The following GDAP1 variants were observed in gnomAD, a reference collection of about 807,000 sequenced individuals.
GDAP1 encodes the protein ganglioside-induced differentiation-associated protein 1.
In GDAP1, 34 loss-of-function variants were observed where a neutral mutation model predicts 40.1. That is an observed-to-expected ratio of 0.85 (90% CI 0.64 to 1.13). GDAP1 has a LOEUF of 1.13. Ranked by LOEUF, GDAP1 falls within the 50% of genes most tolerant of loss-of-function variation. The probability of loss-of-function intolerance (pLI) is 0.00; values close to 1 mark genes in which losing one functional copy is unlikely to be tolerated. For synonymous variants in GDAP1, 170 were observed against 157.4 expected (o/e 1.08, Z -0.60); for missense variants, 374 against 433.7 (o/e 0.86, Z 1.22).
At chr8:74,380,428 A>C (rs907645537) in intron 2 of GDAP1, among the ~76,000 whole-genome samples, 2 of 152,110 alleles carry the variant, frequency 1.3e-5, no homozygotes, top group South Asian at 4.1e-4. Flanking sequence ...TAACACTGTG[A>C]GGCAAAATTT....
In GDAP1 at chr8:74,453,568, C is replaced by G. The variant is rs1304885666; in HGVS notation, c.166-35110C>G. On this transcript the variant is annotated intron_variant, in intron 2 of 2. Coordinates refer to the GDAP1 transcript ENST00000523640. ...GTAGTTAAAGATATATTTGTAAAAG[C>G]CTTTGCATTGAAACTTTTATACATT... Among the ~76,000 whole-genome samples, 4 of 84,166 alleles carry G rather than the reference C, an allele frequency of 4.8e-5. 2 individuals carry two copies. Among genetic ancestry groups the G allele is most frequent in the African/African-American group, 1.0e-4 (2 of 19,412 alleles). 55.2% of individuals were successfully genotyped at this position (84,166 alleles called of 152,430 possible). A position where few individuals can be genotyped will look rare whatever the true frequency, so the allele number is the denominator to read the frequency against.
intron 2 of GDAP1, among the ~76,000 whole-genome samples, chr8:74,488,106 TA>T (rs1269186020): frequency 2.0e-5 from 3 of 152,172 alleles, no homozygotes; most frequent in African/African-American, 7.2e-5. Context: ...TTGTACATTC[TA>T]GTGATTCTAC....
intron 4 of GDAP1, among the ~76,000 whole-genome samples, chr8:74,362,215 A>G (rs1226699404): frequency 6.6e-6 from 1 of 152,208 alleles, no homozygotes; most frequent in Non-Finnish European, 1.5e-5. Flanking sequence ...CAAAAAAGTT[A>G]TGAAATGCAA....
chr8:74,364,652 G>A lies in GDAP1; in HGVS notation c.*285G>A, dbSNP rs1242355509. The A allele has an allele frequency of 7.4e-6, 4 of 538,796 alleles. No homozygotes were observed. Among genetic ancestry groups the A allele is most frequent in the South Asian group, 4.6e-5 (3 of 65,250 alleles). The allele number at this position is 538,796 out of a possible 1,614,324, so 33.4% of individuals were successfully genotyped here. ...GGTAGAGCAATAGAAAGTAAGCTTC[G>A]GGTGCCTCCAACGTTCATGGCTGCC... On this transcript the variant is annotated 3_prime_UTR_variant, in exon 6 of 6. Coordinates refer to ENST00000220822, the MANE Select transcript of GDAP1 (RefSeq NM_018972.4).
intron 2 of GDAP1, among the ~76,000 whole-genome samples, chr8:74,431,115 G>A (rs2131564826): frequency 6.8e-6 from 1 of 147,620 alleles, no homozygotes; most frequent in East Asian, 2.0e-4. Context: ...AAGAAAACTA[G>A]TTATCCTGTA....
At chr8:74,367,553 G>A (rs116453801), downstream of GDAP1, among the ~76,000 whole-genome samples, 274 of 152,122 alleles carry the variant, frequency 1.8e-3, 1 homozygote, top group African/African-American at 6.4e-3. Context: ...AAGACATGAA[G>A]GTGAAATTAA....
At chr8:74,478,160 C>T (rs943520643) in intron 2 of GDAP1, among the ~76,000 whole-genome samples, 1 of 151,920 alleles carries the variant, frequency 6.6e-6, no homozygotes, top group East Asian at 1.9e-4. Flanking sequence ...TGGTAGGTTC[C>T]CTGCCTGCCA....
chr8:74,441,440 T>G (rs756816284), intron 2 of GDAP1, among the ~76,000 whole-genome samples: 1 of 152,108 alleles, frequency 6.6e-6, no homozygotes, highest in Non-Finnish European at 1.5e-5. Flanking sequence ...GTCCTAACCT[T>G]TGACTGAGGG....
At chr8:74,397,088 G>C (rs538694514) in intron 2 of GDAP1, among the ~76,000 whole-genome samples, 1 of 152,142 alleles carries the variant, frequency 6.6e-6, no homozygotes, top group East Asian at 1.9e-4. Context: ...GTTTTGATTT[G>C]CATTTCTCTG....
At chr8:74,357,917 C>A (rs1809181317) in intron 2 of GDAP1, among the ~76,000 whole-genome samples, 1 of 152,176 alleles carries the variant, frequency 6.6e-6, no homozygotes, top group Non-Finnish European at 1.5e-5. Flanking sequence ...AAGATCTCCT[C>A]TATAATTCAA....
intron 2 of GDAP1, among the ~76,000 whole-genome samples, chr8:74,387,548 A>G (rs1188916998): frequency 6.6e-6 from 1 of 152,176 alleles, no homozygotes; most frequent in Non-Finnish European, 1.5e-5. Context: ...ATCATGGTGG[A>G]TAAGCTTTCT....
At chr8:74,394,687 A>G (rs1810166804) in intron 2 of GDAP1, among the ~76,000 whole-genome samples, 1 of 152,156 alleles carries the variant, frequency 6.6e-6, no homozygotes, top group Admixed American at 6.6e-5. Context: ...AGGACTGAAC[A>G]CAAAGGCGTG....
chr8:74,427,774 G>A (rs574747120), intron 2 of GDAP1, among the ~76,000 whole-genome samples: 2 of 152,276 alleles, frequency 1.3e-5, no homozygotes, highest in Non-Finnish European at 2.9e-5. Context: ...AAGAAACTGG[G>A]TGGAACATGG....
chr8:74,436,138 T>C (rs1806085665), intron 2 of GDAP1, among the ~76,000 whole-genome samples: 1 of 152,196 alleles, frequency 6.6e-6, no homozygotes, highest in Non-Finnish European at 1.5e-5. Flanking sequence ...TGCTCCCAAT[T>C]ATTGCTTTCT....
At chr8:74,372,490 G>A (rs894850848) in intron 2 of GDAP1, among the ~76,000 whole-genome samples, 26 of 152,272 alleles carry the variant, frequency 1.7e-4, no homozygotes, top group Non-Finnish European at 3.4e-4. Flanking sequence ...ATCTCATTGT[G>A]GTTTTGATTT....
chr8:74,363,691 C>T (rs555879717), intron 5 of GDAP1, among the ~76,000 whole-genome samples: 4 of 152,306 alleles, frequency 2.6e-5, no homozygotes, highest in East Asian at 1.9e-4. Context: ...AGGCTCCCAA[C>T]CCCTTAGTGT....
intron 2 of GDAP1, among the ~76,000 whole-genome samples, chr8:74,420,387 T>G (rs940296690): frequency 1.3e-5 from 2 of 152,150 alleles, no homozygotes; most frequent in African/African-American, 4.8e-5. Context: ...GGGCCTTACT[T>G]TCTACACTTA....
intron 2 of GDAP1, among the ~76,000 whole-genome samples, chr8:74,457,782 A>G (rs998403305): frequency 3.3e-5 from 5 of 152,182 alleles, no homozygotes; most frequent in African/African-American, 1.2e-4. Context: ...GAGAATGACC[A>G]CAATCACCCA....
chr8:74,387,446 T>C (rs1810041850), intron 2 of GDAP1, among the ~76,000 whole-genome samples: 1 of 152,186 alleles, frequency 6.6e-6, no homozygotes, highest in Non-Finnish European at 1.5e-5. Context: ...AATTATGTGG[T>C]TTTTGTCATT....
Sources: allele counts gnomAD v4.1 joint callset (sites outside exome capture counted in the v4.1 genomes callset), GRCh38; gene constraint gnomAD v4.1.1; transcripts MANE v1.5; gene names NCBI Gene and HGNC (gene_info 2026-07-23, HGNC 2026-07-21).